RAB3GAP2: variants seen among roughly 807,000 people sequenced by gnomAD.
RAB3GAP2 encodes RAB3 GTPase activating non-catalytic protein subunit 2, also known as rab3 GTPase-activating protein non-catalytic subunit.
A neutral mutation model predicts 185.3 loss-of-function variants in RAB3GAP2; 87 were observed. That is an observed-to-expected ratio of 0.47 (90% CI 0.39 to 0.56). RAB3GAP2 has a LOEUF of 0.56. RAB3GAP2 is among the 20% of genes least tolerant of loss of function. The pLI is 0.00. For missense variants in RAB3GAP2, 1,492 were observed against 1,638.2 expected (o/e 0.91, Z 1.54); for synonymous variants, 554 against 576.1 (o/e 0.96, Z 0.55).
intron 33 of RAB3GAP2, among the ~76,000 whole-genome samples, chr1:220,152,936 C>A (rs1000269639): frequency 1.6e-4 from 25 of 152,122 alleles, no homozygotes; most frequent in African/African-American, 6.0e-4. Context: ...ACTATCAAGT[C>A]CATGATGAAG....
intron 9 of RAB3GAP2, among the ~76,000 whole-genome samples, chr1:220,201,880 A>C (rs1658866623): frequency 6.6e-6 from 1 of 152,120 alleles, no homozygotes; most frequent in Non-Finnish European, 1.5e-5. Context: ...TTTTCACATA[A>C]GAATAAATTT....
intron 1 of RAB3GAP2, among the ~76,000 whole-genome samples, chr1:220,269,038 TATA>T (rs1660284995): frequency 1.3e-5 from 2 of 152,128 alleles, no homozygotes; most frequent in South Asian, 4.1e-4. Flanking sequence ...ACAGTAGAAA[TATA>T]ATGATGAAAA....
intron 4 of RAB3GAP2, among the ~76,000 whole-genome samples, chr1:220,212,146 A>G (rs927653589): frequency 6.6e-6 from 1 of 152,342 alleles, no homozygotes; most frequent in African/African-American, 2.4e-5. Flanking sequence ...GCAGGAAACT[A>G]ATGTACCAAC....
At chr1:220,182,049 G>GAA (rs375756461) in intron 21 of RAB3GAP2, among the ~76,000 whole-genome samples, 1 of 143,948 alleles carries the variant, frequency 6.9e-6, no homozygotes, top group Non-Finnish European at 1.5e-5. Context: ...CAAAGTAAAA[G>GAA]AAAAAAAAAA....
chr1:220,180,072 G>C (rs1484270828), intron 21 of RAB3GAP2, among the ~76,000 whole-genome samples: 4 of 152,118 alleles, frequency 2.6e-5, no homozygotes, highest in Non-Finnish European at 5.9e-5. Flanking sequence ...TGAGGCAGGA[G>C]AATCGCTTGA....
intron 21 of RAB3GAP2, among the ~76,000 whole-genome samples, chr1:220,178,842 C>T (rs1219469769): frequency 6.6e-6 from 1 of 151,958 alleles, no homozygotes; most frequent in Non-Finnish European, 1.5e-5. Flanking sequence ...TTAAAAGACA[C>T]AGAGTGAGCT....
chr1:220,251,504 C>A (rs1659929271), intron 1 of RAB3GAP2, among the ~76,000 whole-genome samples: 1 of 152,154 alleles, frequency 6.6e-6, no homozygotes, highest in Admixed American at 6.5e-5. Flanking sequence ...ACAAAGCAAG[C>A]TCTACTTGAC....
intron 31 of RAB3GAP2, among the ~76,000 whole-genome samples, chr1:220,156,020 G>C (rs1657849782): frequency 6.7e-6 from 1 of 150,362 alleles, no homozygotes; most frequent in African/African-American, 2.5e-5. Context: ...GTGTGATCTT[G>C]GCTCACTGCA....
intron 1 of RAB3GAP2, among the ~76,000 whole-genome samples, chr1:220,245,664 C>T (rs978736661): frequency 1.3e-5 from 2 of 151,782 alleles, no homozygotes; most frequent in African/African-American, 4.8e-5. Context: ...GTGGAGCCCA[C>T]CACAGCTCAA....
At chr1:220,220,111 C>T (rs898687787) in intron 2 of RAB3GAP2, among the ~76,000 whole-genome samples, 2 of 152,180 alleles carry the variant, frequency 1.3e-5, no homozygotes, top group African/African-American at 2.4e-5. Flanking sequence ...AAAAAAAGCA[C>T]CTCACTGCTT....
chr1:220,243,347 C>G (rs1285824833), intron 1 of RAB3GAP2, among the ~76,000 whole-genome samples: 2 of 122,202 alleles, frequency 1.6e-5, no homozygotes, highest in East Asian at 4.7e-4. Flanking sequence ...GAGAGAGACT[C>G]CATCTCAAAA....
Position 220,195,066 on chromosome 1 carries a change from T to C in RAB3GAP2, c.1130+12A>G. 6.2e-7 allele frequency: 1 copy of C among 1,613,206 alleles called. No individual in the cohort carries two copies. Among genetic ancestry groups the C allele is most frequent in the Non-Finnish European group, 8.5e-7 (1 of 1,179,154 alleles). On this transcript the variant is annotated intron_variant, in intron 12 of 34. Transcript: ENST00000358951. Reference sequence around the variant, plus strand: ...TAAAAGGACTAAAATTTGGGAAGCATGACAGACTTGCCTTACAGCTAATGG... The same window carrying C: ...TAAAAGGACTAAAATTTGGGAAGCACGACAGACTTGCCTTACAGCTAATGG...
intron 17 of RAB3GAP2, among the ~76,000 whole-genome samples, chr1:220,186,992 G>A (rs1055380942): frequency 6.6e-6 from 1 of 152,116 alleles, no homozygotes; most frequent in African/African-American, 2.4e-5. Context: ...GAGCCAATTA[G>A]CATTGTCAGT....
At chr1:220,200,721 T>C (rs893107584) in intron 9 of RAB3GAP2, 2 of 487,300 alleles carry the variant, frequency 4.1e-6, no homozygotes, top group Admixed American at 2.2e-5. Context: ...CACACTGAAA[T>C]GTTTACCAAT....
chr1:220,216,226 G>A (rs1181934076), intron 2 of RAB3GAP2, among the ~76,000 whole-genome samples: 2 of 152,092 alleles, frequency 1.3e-5, no homozygotes, highest in African/African-American at 2.4e-5. Context: ...ACCATCTCCC[G>A]AAAGATAGGG....
At chr1:220,254,570 T>A (rs1659999395) in intron 1 of RAB3GAP2, 1 of 1,564,522 alleles carries the variant, frequency 6.4e-7, no homozygotes, top group African/African-American at 1.4e-5. Context: ...TATGTTTGGA[T>A]CTCCGTAAAC....
intron 1 of RAB3GAP2, among the ~76,000 whole-genome samples, chr1:220,237,284 C>T (rs546260397): frequency 8.5e-5 from 13 of 152,140 alleles, no homozygotes; most frequent in African/African-American, 2.4e-4. Flanking sequence ...ACAAATTATA[C>T]GGCAATTTAA....
intron 4 of RAB3GAP2, chr1:220,211,334 G>A (rs138564152): frequency 2.6e-5 from 13 of 500,442 alleles, no homozygotes; most frequent in African/African-American, 3.9e-5. Flanking sequence ...TGATCCCCAC[G>A]CAGCCATTTC....
intron 1 of RAB3GAP2, among the ~76,000 whole-genome samples, chr1:220,248,613 G>GT (rs1558169952): frequency 1.3e-3 from 183 of 143,536 alleles, no homozygotes; most frequent in African/African-American, 5.2e-3. Flanking sequence ...AATTTGGTTT[G>GT]GTTTTTTTTT....
Sources: gnomAD v4.1 joint callset for allele counts (sites outside exome capture counted in the v4.1 genomes callset) on GRCh38, gnomAD v4.1.1 for gene constraint, MANE v1.5 for transcripts, NCBI Gene and HGNC (gene_info 2026-07-23, HGNC 2026-07-21) for gene names.